Variants in SPEG observed in about 807,000 individuals in gnomAD.
SPEG encodes the protein striated muscle enriched protein kinase.
In SPEG, 114 loss-of-function variants were observed where a neutral mutation model predicts 300.4. That is an observed-to-expected ratio of 0.38 (90% CI 0.33 to 0.44). The LOEUF is 0.44. SPEG is among the 20% of genes least tolerant of loss of function. The pLI is 1.00. For missense variants in SPEG, 4,201 were observed against 4,586.2 expected (o/e 0.92, Z 2.43); for synonymous variants, 1,964 against 2,018.9 (o/e 0.97, Z 0.73).
At chr2:219,466,001 G>A (rs1169041213) in intron 9 of SPEG, 1 of 1,489,494 alleles carries the variant, frequency 6.7e-7, no homozygotes, top group African/African-American at 1.4e-5. Context: ...GCGCGTGCGT[G>A]CGCGTATGCT....
chr2:219,465,066 C>T (rs746150933), intron 9 of SPEG: 4 of 159,686 alleles, frequency 2.5e-5, no homozygotes, highest in Non-Finnish European at 5.5e-5. Context: ...TGGCTGGACC[C>T]GTTCGGAGGG....
At chr2:219,460,798 C>T (rs1162773622) in intron 6 of SPEG, 3 of 986,124 alleles carry the variant, frequency 3.0e-6, no homozygotes, top group Non-Finnish European at 3.6e-6. Flanking sequence ...AGGCGCCTTC[C>T]CCTCCCCCAG....
intron 6 of SPEG, chr2:219,461,245 T>A: frequency 1.0e-6 from 1 of 986,136 alleles, no homozygotes; most frequent in Non-Finnish European, 1.2e-6. Context: ...ACTCCAGCTC[T>A]GCTTTCCTAT....
At chr2:219,465,870 TGTGTGCGTGCGTGTGC>T (rs1486210156) in intron 9 of SPEG, 1 of 622,394 alleles carries the variant, frequency 1.6e-6, no homozygotes. Flanking sequence ...TGTGTGTGCG[TGTGTGCGTGCGTGTGC>T]ATGTGTGCGT....
intron 3 of SPEG, among the ~76,000 whole-genome samples, chr2:219,447,723 G>A (rs933177987): frequency 6.6e-6 from 1 of 151,894 alleles, no homozygotes; most frequent in Admixed American, 6.6e-5. Context: ...GCTGGCCCGA[G>A]TCCTGGGGCT....
chr2:219,473,213 C>T lies in SPEG; in HGVS notation c.4147+117C>T. On this transcript the variant is annotated intron_variant, in intron 16 of 40. Transcript: ENST00000312358. The surrounding 1 kb of genome is among the most constrained non-coding windows in gnomAD (Gnocchi z 4.6). The stretch of plus-strand genomic sequence containing the variant: ...ATGGTAACTGGCAGGAGCAGCCTAG[C>T]CGGGCGGGACCTTGGCCCATCTGTA... 2 of 1,023,830 alleles carry T rather than the reference C, an allele frequency of 2.0e-6. No individual in the cohort carries two copies. The highest frequency in any genetic ancestry group is 1.4e-6 in the Non-Finnish European group (1 of 701,384). 63.4% of individuals were successfully genotyped at this position (1,023,830 alleles called of 1,614,324 possible). A position where few individuals can be genotyped will look rare whatever the true frequency, so the allele number is the denominator to read the frequency against.
chr2:219,451,734 C>T lies in SPEG; in HGVS notation c.2367C>T (p.Ala789=), dbSNP rs1156809708. 19 of 1,561,636 alleles carry T rather than the reference C, an allele frequency of 1.2e-5. No homozygotes were observed. The East Asian group carries it at 1.4e-4, about 12-fold the overall frequency. ...TCAGGGAGGCCAGGGCAGCAGATGCCGGGAGCTATATGGCCACCGCCACCA... is the reference window on the plus strand; with the variant it reads ...TCAGGGAGGCCAGGGCAGCAGATGCTGGGAGCTATATGGCCACCGCCACCA... ...LLLREARAAD[A]GSYMATATNE... is the part of the protein sequence containing the mutation. The change falls in exon 6 of 41, where the codon GCC becomes GCT. Residue 789 remains alanine (A), a synonymous_variant. Transcript: ENST00000312358. This position sits in a 1 kb window ranked among gnomAD's most constrained non-coding sequence, Gnocchi z 6.4.
In SPEG at chr2:219,484,718, C is replaced by G; in HGVS notation, c.7255C>G (p.Arg2419Gly). ...GCTGTCACTGTCCCAGCGGCTGCGG[C>G]GGACCCCTCCCGCGCAGCGCCACCC... ...LSLSLSQRLR[R>G]TPPAQRHPAW... Residue 2419 changes from arginine to glycine, a missense_variant, in exon 30 of 41, where the codon CGG becomes GGG. By Grantham distance (125) the Arg-to-Gly change is moderately radical. Around this residue, in one of 4 missense-constraint regions of SPEG, gnomAD observed 1,578 missense variants for 1,506.0 expected, o/e 1.05. Coordinates refer to ENST00000312358, the MANE Select transcript of SPEG (RefSeq NM_005876.5). 6.7e-7 allele frequency: 1 copy of G among 1,500,094 alleles called. No homozygotes were observed. Among genetic ancestry groups the G allele is most frequent in the Non-Finnish European group, 8.8e-7 (1 of 1,134,964 alleles). The allele number at this position is 1,500,094 out of a possible 1,614,324, so 92.9% of individuals were successfully genotyped here.
Position 219,439,312 on chromosome 2 carries a change from G to A in SPEG, c.388+3947G>A, listed in dbSNP as rs956304343. On this transcript the variant is annotated intron_variant, in intron 1 of 40. Coordinates refer to ENST00000312358, the MANE Select transcript of SPEG (RefSeq NM_005876.5). This position sits in a 1 kb window ranked among gnomAD's most constrained non-coding sequence, Gnocchi z 4.5. ...TGCCTACTATGTGCTTTTGATACAC[G>A]AGTCAGGGGGTTGAGGGAGACCAAA... is the stretch of plus-strand genomic sequence containing the variant. 1.3e-5 allele frequency among the ~76,000 whole-genome samples: 2 copies of A among 152,150 alleles called. No individual in the cohort carries two copies. Among genetic ancestry groups the A allele is most frequent in the Admixed American group, 1.3e-4 (2 of 15,278 alleles).
intron 10 of SPEG, among the ~76,000 whole-genome samples, 174 bp from the exon 11 acceptor site, chr2:219,468,404 C>A (rs1369372095): frequency 6.6e-6 from 1 of 152,172 alleles, no homozygotes; most frequent in African/African-American, 2.4e-5. Flanking sequence ...GACCTCCACC[C>A]TCTCGAGGTC....
At chr2:219,486,628 C>T (rs972552338) in intron 31 of SPEG, among the ~76,000 whole-genome samples, 1 of 152,182 alleles carries the variant, frequency 6.6e-6, no homozygotes, top group Admixed American at 6.5e-5. Flanking sequence ...TTTGCTTATG[C>T]AGCTGATTTC....
chr2:219,440,312 C>T (rs1464481528), intron 1 of SPEG, among the ~76,000 whole-genome samples: 2 of 152,026 alleles, frequency 1.3e-5, no homozygotes, highest in African/African-American at 4.8e-5. Context: ...CTCTTGAGCC[C>T]AGGTGGTCAA....
chr2:219,448,544 C>T lies in SPEG; in HGVS notation c.1386C>T (p.Ser462=), dbSNP rs1477121668. ...ASQEELRAPG[S]VAERRRLFQQ... ...AGGAAGAACTGCGGGCGCCAGGCAG[C>T]GTGGCCGAGCGGCGCCGCCTGTTCC... Residue 462 remains serine, a synonymous_variant, in exon 4 of 41, where the codon AGC becomes AGT. Coordinates refer to ENST00000312358, the MANE Select transcript of SPEG (RefSeq NM_005876.5). 1.2e-5 allele frequency: 17 copies of T among 1,443,348 alleles called. No individual in the cohort carries two copies. The highest frequency in any genetic ancestry group is 2.9e-5 in the East Asian group (1 of 34,222). 89.4% of individuals were successfully genotyped at this position (1,443,348 alleles called of 1,614,324 possible). A position where few individuals can be genotyped will look rare whatever the true frequency, so the allele number is the denominator to read the frequency against.
intron 6 of SPEG, chr2:219,460,522 C>T (rs1302294070): frequency 1.3e-5 from 13 of 985,266 alleles, no homozygotes; most frequent in African/African-American, 1.7e-5. Context: ...TGCTCGGGGA[C>T]GGAGGCCCCA....
At chr2:219,467,878 G>A (rs1450942959) in intron 10 of SPEG, among the ~76,000 whole-genome samples, 1 of 152,234 alleles carries the variant, frequency 6.6e-6, no homozygotes, top group African/African-American at 2.4e-5. Flanking sequence ...CCAGGAGAGG[G>A]TAGGGCACTG....
At chr2:219,465,829 G>A (rs542216362) in intron 9 of SPEG, 12 of 608,400 alleles carry the variant, frequency 2.0e-5, no homozygotes, top group East Asian at 1.7e-4. Context: ...GCGTGCGCAT[G>A]CGTGCGTGTA....
chr2:219,451,518 G>A lies in SPEG; in HGVS notation c.2258-107G>A, dbSNP rs534266830. ...CGGACTCTTCCAGATTCCCTGGGGT[G>A]CTGAGAGGAGAGGTTTGGTCTCCTG... On this transcript the variant is annotated intron_variant, in intron 5 of 40. Transcript: ENST00000312358. This position sits in a 1 kb window ranked among gnomAD's most constrained non-coding sequence, Gnocchi z 6.4. The A allele has an allele frequency of 2.1e-4, 261 of 1,231,066 alleles. No homozygotes were observed. Among genetic ancestry groups the A allele is most frequent in the Non-Finnish European group, 2.8e-4 (253 of 919,316 alleles). The allele number at this position is 1,231,066 out of a possible 1,614,324, so 76.3% of individuals were successfully genotyped here. A position where few individuals can be genotyped will look rare whatever the true frequency, so the allele number is the denominator to read the frequency against.
rs1262005475 is a variant in SPEG at position 219,476,911 on chromosome 2, G to T, written c.4489G>T (p.Gly1497Trp). The T allele has an allele frequency of 1.2e-6, 2 of 1,613,838 alleles. No homozygotes were observed. Among genetic ancestry groups the T allele is most frequent in the Non-Finnish European group, 1.7e-6 (2 of 1,179,950 alleles). Residue 1497 changes from glycine to tryptophan, a missense_variant, in exon 19 of 41, where the codon GGG becomes TGG. By Grantham distance (184) the Gly-to-Trp change is radical. Coordinates refer to ENST00000312358, the MANE Select transcript of SPEG (RefSeq NM_005876.5). ...GTCCATCATGGAGGACGTGGAGGTG[G>T]GGGCTGGGGAAACTGCTCGCTTTGC... ...FESIMEDVEV[G>W]AGETARFAVV...
At chr2:219,461,476 A>AG in intron 6 of SPEG, 1 of 1,054,128 alleles carries the variant, frequency 9.5e-7, no homozygotes, top group Non-Finnish European at 1.1e-6. Context: ...ATGCTGCTCC[A>AG]GGGTTCCATA....
Sources: gnomAD v4.1 joint callset for allele counts (sites outside exome capture counted in the v4.1 genomes callset) on GRCh38, gnomAD v4.1.1 for gene constraint, gnomAD v4.1.1 regional missense constraint, Gnocchi (gnomAD v3.1) non-coding constraint, MANE v1.5 for transcripts, NCBI Gene and HGNC (gene_info 2026-07-23, HGNC 2026-07-21) for gene names.